SLC71A2: variants seen among roughly 807,000 people sequenced by gnomAD.
SLC71A2 encodes the protein solute carrier family 71 member 2.
At chr9:94,374,488 GGCCTCCTGCCC>G in the SLC71A2 span, 1 of 152,422 alleles carries the variant, frequency 6.6e-6, no homozygotes, top group East Asian at 1.9e-4. Flanking sequence ...TGCGGGGCGG[GGCCTCCTGCCC>G]GGCGCCGGCC....
the SLC71A2 span, among the ~76,000 whole-genome samples, chr9:94,377,152 T>G: frequency 1.3e-5 from 2 of 151,194 alleles, no homozygotes; most frequent in Non-Finnish European, 2.9e-5. Flanking sequence ...TCATATATGT[T>G]TGTGTCATAT....
chr9:94,448,176 G>C, the SLC71A2 span, among the ~76,000 whole-genome samples: 1 of 152,134 alleles, frequency 6.6e-6, no homozygotes, highest in South Asian at 2.1e-4. Context: ...TTCCAGGTCT[G>C]ATTGAAGCCA....
the SLC71A2 span, among the ~76,000 whole-genome samples, chr9:94,390,179 A>C: frequency 5.9e-5 from 9 of 151,850 alleles, no homozygotes; most frequent in Admixed American, 5.9e-4. Context: ...GCGCCACTGC[A>C]TTCCAGCCTG....
the SLC71A2 span, chr9:94,438,564 T>G: frequency 6.2e-7 from 1 of 1,602,886 alleles, no homozygotes. Flanking sequence ...TGACTGCTTG[T>G]TTTGAGTCAC....
At chr9:94,460,539 T>C in the SLC71A2 span, 1 of 152,764 alleles carries the variant, frequency 6.5e-6, no homozygotes, top group Admixed American at 6.5e-5. Context: ...TGAGATGTTT[T>C]ATGGACAAAG....
chr9:94,380,270 CAAAA>C, the SLC71A2 span, among the ~76,000 whole-genome samples: 3 of 143,576 alleles, frequency 2.1e-5, no homozygotes, highest in East Asian at 6.1e-4. Flanking sequence ...GACTCTTTCT[CAAAA>C]AAAAAAAAGA....
chr9:94,432,794 G>C, the SLC71A2 span: 1 of 407,904 alleles, frequency 2.5e-6, no homozygotes. Flanking sequence ...GCTATCCCTA[G>C]TTTGTCCCCC....
the SLC71A2 span, among the ~76,000 whole-genome samples, chr9:94,389,205 G>T: frequency 1.3e-5 from 2 of 151,278 alleles, no homozygotes; most frequent in Non-Finnish European, 2.9e-5. Context: ...TCCATATTAT[G>T]TGTGCTCTTC....
chr9:94,422,516 T>C, the SLC71A2 span, among the ~76,000 whole-genome samples: 1 of 152,220 alleles, frequency 6.6e-6, no homozygotes, highest in Non-Finnish European at 1.5e-5. Context: ...TACGTGTTTC[T>C]TGGGGTATAT....
At chr9:94,382,652 T>C in the SLC71A2 span, among the ~76,000 whole-genome samples, 1 of 152,012 alleles carries the variant, frequency 6.6e-6, no homozygotes, top group African/African-American at 2.4e-5. Flanking sequence ...CATAGGAATT[T>C]CCTTCTATTT....
the SLC71A2 span, among the ~76,000 whole-genome samples, chr9:94,379,448 C>T: frequency 4.3e-5 from 6 of 140,722 alleles, no homozygotes; most frequent in African/African-American, 1.1e-4. Context: ...AGTGCGGTGG[C>T]GCACAATCAT....
At chr9:94,377,606 C>G in the SLC71A2 span, among the ~76,000 whole-genome samples, 2 of 147,774 alleles carry the variant, frequency 1.4e-5, no homozygotes, top group African/African-American at 5.0e-5. Flanking sequence ...TGGTCTCAAA[C>G]TCCTGGGCTC....
At chr9:94,426,241 C>G in the SLC71A2 span, among the ~76,000 whole-genome samples, 1 of 151,944 alleles carries the variant, frequency 6.6e-6, no homozygotes, top group Non-Finnish European at 1.5e-5. Context: ...TTAGAAGTCC[C>G]ACAGTTTTCA....
chr9:94,443,253 C>G, the SLC71A2 span, among the ~76,000 whole-genome samples: 3 of 152,080 alleles, frequency 2.0e-5, 1 homozygote, highest in South Asian at 6.2e-4. Context: ...GCGCACACAT[C>G]CAGACTGAGA....
chr9:94,424,686 A>C, the SLC71A2 span, among the ~76,000 whole-genome samples: 1 of 147,376 alleles, frequency 6.8e-6, no homozygotes, highest in East Asian at 2.0e-4. Flanking sequence ...GATTGCATTG[A>C]CTATAGATTG....
At chr9:94,402,451 T>A in the SLC71A2 span, among the ~76,000 whole-genome samples, 5 of 152,218 alleles carry the variant, frequency 3.3e-5, no homozygotes, top group African/African-American at 1.2e-4. Flanking sequence ...TATCTAATTC[T>A]AGAACATTTT....
the SLC71A2 span, chr9:94,459,331 C>T: frequency 1.2e-6 from 2 of 1,614,132 alleles, no homozygotes; most frequent in Admixed American, 3.3e-5. Flanking sequence ...GTGATGAGGA[C>T]ATTGAGCCAC....
At chr9:94,388,526 G>C in the SLC71A2 span, among the ~76,000 whole-genome samples, 2 of 152,200 alleles carry the variant, frequency 1.3e-5, no homozygotes. Flanking sequence ...TGAAACAGTT[G>C]TGGCACATAC....
chr9:94,390,893 T>G, the SLC71A2 span, among the ~76,000 whole-genome samples: 39 of 152,136 alleles, frequency 2.6e-4, 1 homozygote, highest in African/African-American at 9.4e-4. Context: ...ATGCATAGCT[T>G]ATTACTTCCT....
Sources: gnomAD v4.1 joint callset for allele counts (sites outside exome capture counted in the v4.1 genomes callset) on GRCh38, gnomAD v4.1.1 for gene constraint, MANE v1.5 for transcripts, NCBI Gene and HGNC (gene_info 2026-07-23, HGNC 2026-07-21) for gene names.